PPP1R21: variants seen among roughly 807,000 people sequenced by gnomAD.
The protein encoded by PPP1R21 is protein phosphatase 1 regulatory subunit 21, also known as KLRAQ motif containing 1.
Under a neutral mutation model 112.8 loss-of-function variants are expected in PPP1R21, and 85 were observed. The observed-to-expected ratio is 0.75, with a 90% CI of 0.63 to 0.90. The LOEUF is 0.90. Ranked by LOEUF, PPP1R21 falls within the 40% of genes least tolerant of loss-of-function variation. The probability of loss-of-function intolerance (pLI) is 0.00; values close to 1 mark genes in which losing one functional copy is unlikely to be tolerated. For missense variants in PPP1R21, 1,199 were observed against 901.5 expected (o/e 1.33, Z -4.23); for synonymous variants, 381 against 322.3 (o/e 1.18, Z -1.95).
At chr2:48,473,569 T>C (rs1416546978) in intron 11 of PPP1R21, among the ~76,000 whole-genome samples, 1 of 152,196 alleles carries the variant, frequency 6.6e-6, no homozygotes, top group Non-Finnish European at 1.5e-5. Flanking sequence ...TTTTCAGCAA[T>C]TTTGGGGGCA....
At chr2:48,453,169 G>T (rs1001481990) in intron 2 of PPP1R21, among the ~76,000 whole-genome samples, 1 of 152,144 alleles carries the variant, frequency 6.6e-6, no homozygotes, top group Non-Finnish European at 1.5e-5. Flanking sequence ...GGCCAGGCCA[G>T]TTTCAAACTC....
chr2:48,505,757 C>T (rs538948033), intron 18 of PPP1R21, among the ~76,000 whole-genome samples, 161 bp downstream of exon 18: 6 of 152,324 alleles, frequency 3.9e-5, no homozygotes, highest in Non-Finnish European at 7.4e-5. Context: ...GTGTATGGAT[C>T]CATGTAGCTT....
chr2:48,513,498 C>T (rs761934086), intron 21 of PPP1R21, among the ~76,000 whole-genome samples: 4 of 151,966 alleles, frequency 2.6e-5, no homozygotes, highest in Non-Finnish European at 5.9e-5. Context: ...GCGTGAATCA[C>T]AGCACACAGC....
At chr2:48,469,906 T>C (rs1199869814) in intron 9 of PPP1R21, among the ~76,000 whole-genome samples, 1 of 152,100 alleles carries the variant, frequency 6.6e-6, no homozygotes, top group Non-Finnish European at 1.5e-5. Flanking sequence ...TTTAGACTTG[T>C]AAGCTTAGAG....
At chr2:48,512,871 G>C (rs1431295548) in intron 21 of PPP1R21, among the ~76,000 whole-genome samples, 2 of 152,050 alleles carry the variant, frequency 1.3e-5, no homozygotes, top group Non-Finnish European at 2.9e-5. Context: ...TAACCTTTTG[G>C]TTTCTTGTTA....
At chr2:48,482,004 A>AT (rs1450403265) in intron 13 of PPP1R21, among the ~76,000 whole-genome samples, 2 of 152,234 alleles carry the variant, frequency 1.3e-5, no homozygotes, top group Non-Finnish European at 2.9e-5. Flanking sequence ...TTAGACTTGG[A>AT]TCCTGTCCCC....
At chr2:48,494,569 C>T (rs1422884053) in intron 15 of PPP1R21, among the ~76,000 whole-genome samples, 1 of 151,190 alleles carries the variant, frequency 6.6e-6, no homozygotes, top group Non-Finnish European at 1.5e-5. Flanking sequence ...CCTGCCACCT[C>T]CCCCGGCTAA....
chr2:48,462,881 C>A (rs1329851172), intron 7 of PPP1R21, among the ~76,000 whole-genome samples: 1 of 152,002 alleles, frequency 6.6e-6, no homozygotes, highest in Non-Finnish European at 1.5e-5. Context: ...GGAGGCTTAG[C>A]CTGGATTGGG....
intron 14 of PPP1R21, among the ~76,000 whole-genome samples, chr2:48,490,667 C>G (rs1209387600): frequency 6.6e-6 from 1 of 151,982 alleles, no homozygotes; most frequent in African/African-American, 2.4e-5. Context: ...TCTAGAAATC[C>G]GAACATGGAT....
At chr2:48,481,186 G>C (rs931797942) in intron 13 of PPP1R21, among the ~76,000 whole-genome samples, 2 of 152,148 alleles carry the variant, frequency 1.3e-5, no homozygotes, top group East Asian at 3.9e-4. Flanking sequence ...ATGGGGTTTC[G>C]CCATGTTGGC....
At chr2:48,455,375 TC>T (rs2103776800) in intron 3 of PPP1R21, among the ~76,000 whole-genome samples, 1 of 151,614 alleles carries the variant, frequency 6.6e-6, no homozygotes, top group South Asian at 2.1e-4. Flanking sequence ...ACTCCAGACT[TC>T]AGGTGGTCTG....
At chr2:48,498,837 A>G (rs1669971815) in intron 17 of PPP1R21, 102 bp downstream of exon 17, 12 of 1,171,314 alleles carry the variant, frequency 1.0e-5, no homozygotes, top group Admixed American at 6.5e-5. Flanking sequence ...TCAGGCTGCT[A>G]TATCAAAATA....
chr2:48,507,186 T>G, intron 18 of PPP1R21, 83 bp from the exon 19 acceptor site: 1 of 1,417,158 alleles, frequency 7.1e-7, no homozygotes, highest in Non-Finnish European at 9.2e-7. Flanking sequence ...ATGTACAAAA[T>G]GTTGTCTTTT....
intron 1 of PPP1R21, among the ~76,000 whole-genome samples, chr2:48,445,962 G>C (rs1667227282): frequency 6.6e-6 from 1 of 152,224 alleles, no homozygotes; most frequent in Non-Finnish European, 1.5e-5. Flanking sequence ...GCTGGGGTCT[G>C]CACATGACTT....
chr2:48,499,900 A>G (rs1187989281), intron 17 of PPP1R21, among the ~76,000 whole-genome samples: 1 of 152,264 alleles, frequency 6.6e-6, no homozygotes, highest in African/African-American at 2.4e-5. Context: ...TCAGGAAGGA[A>G]AAACCCTAAT....
At chr2:48,490,211 G>A (rs1669497053) in intron 14 of PPP1R21, among the ~76,000 whole-genome samples, 3 of 93,492 alleles carry the variant, frequency 3.2e-5, no homozygotes, top group South Asian at 4.6e-4. Context: ...AGAGTGAGAC[G>A]CCGACTCAAA....
At chr2:48,498,832 C>A in intron 17 of PPP1R21, 97 bp downstream of exon 17, 1 of 1,240,696 alleles carries the variant, frequency 8.1e-7, no homozygotes, top group Non-Finnish European at 1.1e-6. Context: ...TTCATTCAGG[C>A]TGCTATATCA....
At position 48,514,672 on chromosome 2, in the gene PPP1R21, TTTTATG is replaced by T. The variant is rs772498868; in HGVS notation, c.2314-34_2314-29del. The T allele has an allele frequency of 2.9e-6, 4 of 1,398,456 alleles. No individual in the cohort carries two copies. The Admixed American group carries it at 6.8e-5, about 24-fold the overall frequency. 86.6% of individuals were successfully genotyped at this position (1,398,456 alleles called of 1,614,324 possible). On this transcript the variant is annotated intron_variant, in intron 21 of 21. Coordinates refer to ENST00000294952, the MANE Select transcript of PPP1R21 (RefSeq NM_001135629.3). ...TTTATAAACTATGTGAGTTATTTTT[TTTTATG>T]TTTATGTTCTTATTGTTGATATTTT...
At chr2:48,451,256 A>G (rs1164010042) in intron 2 of PPP1R21, among the ~76,000 whole-genome samples, 180 bp downstream of exon 2, 1 of 152,198 alleles carries the variant, frequency 6.6e-6, no homozygotes, top group East Asian at 1.9e-4. Context: ...AACATGAGGT[A>G]CTTTGATTTC....
Sources: allele counts gnomAD v4.1 joint callset (sites outside exome capture counted in the v4.1 genomes callset), GRCh38; gene constraint gnomAD v4.1.1; transcripts MANE v1.5; gene names NCBI Gene and HGNC (gene_info 2026-07-23, HGNC 2026-07-21).